The following PHF14 variants were observed in gnomAD, a reference collection of about 807,000 sequenced individuals.
The protein encoded by PHF14 is PHD finger protein 14.
PHF14 carries 55 observed loss-of-function variants against 117.9 expected under a neutral mutation model. The observed-to-expected ratio is 0.47, with a 90% confidence interval of 0.38 to 0.58. The LOEUF (loss-of-function observed/expected upper bound fraction) is 0.58, where lower values mean the gene tolerates loss of function less well. Among genes scored for constraint, PHF14 ranks in the 20% least tolerant of loss-of-function variants. The pLI is 0.00. For synonymous variants in PHF14, 409 were observed against 368.6 expected (o/e 1.11, Z -1.26); for missense variants, 978 against 1,122.2 (o/e 0.87, Z 1.84).
intron 17 of PHF14, among the ~76,000 whole-genome samples, chr7:11,159,415 A>G (rs1185019811): frequency 6.6e-6 from 1 of 151,938 alleles, no homozygotes; most frequent in African/African-American, 2.4e-5. Flanking sequence ...ATTTTCTCCT[A>G]CTTTTTATTG....
intron 14 of PHF14, among the ~76,000 whole-genome samples, chr7:11,055,644 A>T (rs951883573): frequency 6.6e-6 from 1 of 152,134 alleles, no homozygotes; most frequent in Non-Finnish European, 1.5e-5. Context: ...TCGTTTTTCC[A>T]TCGCACTTAA....
intron 17 of PHF14, among the ~76,000 whole-genome samples, chr7:11,152,316 A>G (rs958116470): frequency 2.0e-5 from 3 of 152,170 alleles, no homozygotes; most frequent in African/African-American, 7.2e-5. Flanking sequence ...TAGCTCCTCT[A>G]ATATTTTTGG....
chr7:11,031,467 A>G lies in PHF14; in HGVS notation c.1455+2649A>G, dbSNP rs966032843. 9.9e-5 allele frequency among the ~76,000 whole-genome samples: 15 copies of G among 152,056 alleles called. No individual in the cohort carries two copies. In the East Asian group the frequency reaches 1.4e-3, roughly 14 times the overall value. On this transcript the variant is annotated intron_variant, in intron 7 of 17. Coordinates refer to ENST00000634607, the MANE Select transcript of PHF14 (RefSeq NM_001007157.2). ...AACATCTTATTTTTAAAACTGGACTATAGGGCTGGGTGCAGTGGCTCATGC... is the reference window on the plus strand; with the variant it reads ...AACATCTTATTTTTAAAACTGGACTGTAGGGCTGGGTGCAGTGGCTCATGC...
intron 16 of PHF14, among the ~76,000 whole-genome samples, chr7:11,080,799 T>C (rs977048305): frequency 6.6e-6 from 1 of 152,188 alleles, no homozygotes; most frequent in Non-Finnish European, 1.5e-5. Context: ...AATGAGCAAA[T>C]GCATTAGAGG....
At chr7:10,986,415 G>A (rs147397319) in intron 3 of PHF14, among the ~76,000 whole-genome samples, 55 of 152,236 alleles carry the variant, frequency 3.6e-4, no homozygotes, top group African/African-American at 1.1e-3. Context: ...GTAGTGTCTG[G>A]AAAACTTCAT....
intron 11 of PHF14, among the ~76,000 whole-genome samples, chr7:11,040,037 A>T (rs1399167968): frequency 1.3e-5 from 2 of 152,184 alleles, no homozygotes; most frequent in African/African-American, 4.8e-5. Flanking sequence ...TTATTAAAAG[A>T]CTTTTAACAG....
chr7:11,002,627 G>T (rs1782916677), intron 4 of PHF14, among the ~76,000 whole-genome samples: 1 of 151,996 alleles, frequency 6.6e-6, no homozygotes, highest in African/African-American at 2.4e-5. Context: ...ATTTTTATTA[G>T]AGACGGGATT....
chr7:11,112,477 A>T (rs1247757041), intron 17 of PHF14, among the ~76,000 whole-genome samples: 4 of 152,216 alleles, frequency 2.6e-5, no homozygotes, highest in African/African-American at 7.2e-5. Flanking sequence ...GAATTTATTT[A>T]AAATTATACA....
chr7:11,062,170 G>T lies in PHF14; in HGVS notation c.2654+85G>T, dbSNP rs529442801. ...TCACAGAAAAAATGAAAAAACAATT[G>T]CAGGATAAGACCTTTCTTAAAATAT... On this transcript the variant is annotated intron_variant, in intron 16 of 17. Transcript: ENST00000634607. 38 of 1,146,424 alleles carry T rather than the reference G, an allele frequency of 3.3e-5. No homozygotes were observed. In the South Asian group the frequency reaches 6.0e-4, roughly 18 times the overall value. 71.0% of individuals were successfully genotyped at this position (1,146,424 alleles called of 1,614,324 possible).
At chr7:11,118,143 A>T (rs1254443097) in intron 17 of PHF14, among the ~76,000 whole-genome samples, 1 of 151,896 alleles carries the variant, frequency 6.6e-6, no homozygotes, top group African/African-American at 2.4e-5. Context: ...CTGGAAAAAA[A>T]GTTGTTTCTA....
intron 17 of PHF14, among the ~76,000 whole-genome samples, chr7:11,126,068 A>G (rs147734962): frequency 5.9e-5 from 9 of 152,234 alleles, no homozygotes; most frequent in African/African-American, 2.2e-4. Flanking sequence ...AAAGACCAAT[A>G]GTATTCTTTA....
At chr7:11,016,461 A>C (rs1783539546) in intron 5 of PHF14, among the ~76,000 whole-genome samples, 2 of 152,148 alleles carry the variant, frequency 1.3e-5, no homozygotes, top group South Asian at 4.1e-4. Flanking sequence ...CTACATAGAA[A>C]ATGATGTGAT....
intron 16 of PHF14, chr7:11,104,527 G>T (rs1274217223): frequency 1.0e-6 from 1 of 981,596 alleles, no homozygotes; most frequent in Non-Finnish European, 1.2e-6. Context: ...ACCTACATAA[G>T]AAAAAAATGG....
chr7:11,132,882 T>G (rs2128349120), intron 17 of PHF14, among the ~76,000 whole-genome samples: 1 of 151,974 alleles, frequency 6.6e-6, no homozygotes, highest in South Asian at 2.1e-4. Context: ...TTCATATACC[T>G]ATTGATGATG....
At chr7:10,984,673 C>G (rs1782154044) in intron 3 of PHF14, among the ~76,000 whole-genome samples, 2 of 152,094 alleles carry the variant, frequency 1.3e-5, no homozygotes, top group Admixed American at 6.5e-5. Flanking sequence ...TAGATTTATG[C>G]TAAAATGTGG....
intron 16 of PHF14, among the ~76,000 whole-genome samples, chr7:11,098,085 A>C (rs1786944077): frequency 6.6e-6 from 1 of 152,008 alleles, no homozygotes. Flanking sequence ...ATCTTTTGTT[A>C]ATTATAAAAA....
intron 3 of PHF14, among the ~76,000 whole-genome samples, chr7:10,987,701 T>A (rs1583332088): frequency 6.6e-6 from 1 of 152,116 alleles, no homozygotes; most frequent in Non-Finnish European, 1.5e-5. Context: ...AAAACCATAT[T>A]TTAGAAATTT....
At chr7:11,057,637 G>A (rs376162344) in intron 14 of PHF14, among the ~76,000 whole-genome samples, 10 of 152,260 alleles carry the variant, frequency 6.6e-5, no homozygotes, top group East Asian at 3.9e-4. Context: ...GCCTCCCAAA[G>A]TACTAAGATC....
chr7:11,104,339 T>C (rs1434372195), intron 16 of PHF14: 11 of 976,166 alleles, frequency 1.1e-5, no homozygotes, highest in Non-Finnish European at 1.3e-5. Flanking sequence ...GCAAAAAGTA[T>C]AGTTGAAGTA....
Sources: gnomAD v4.1 joint callset for allele counts (sites outside exome capture counted in the v4.1 genomes callset) on GRCh38, gnomAD v4.1.1 for gene constraint, MANE v1.5 for transcripts, NCBI Gene and HGNC (gene_info 2026-07-23, HGNC 2026-07-21) for gene names.